The following TTC21A variants were observed in gnomAD, a reference collection of about 807,000 sequenced individuals.
The protein encoded by TTC21A is tetratricopeptide repeat protein 21A.
Under a neutral mutation model 156.4 loss-of-function variants are expected in TTC21A, and 128 were observed. The ratio of observed to expected loss-of-function variants is 0.82; its 90% CI spans 0.71 to 0.95. The LOEUF (loss-of-function observed/expected upper bound fraction) is 0.95, where lower values mean the gene tolerates loss of function less well. TTC21A is among the 40% of genes least tolerant of loss of function. TTC21A has a pLI of 0.00. For missense variants in TTC21A, 1,435 were observed against 1,602.3 expected, an observed-to-expected ratio of 0.90 and a Z score of 1.78; for synonymous variants, 587 against 617.1, an observed-to-expected ratio of 0.95 and a Z score of 0.72.
At chr3:39,112,722 C>A in intron 5 of TTC21A, 142 bp downstream of exon 5, 1 of 1,314,792 alleles carries the variant, frequency 7.6e-7, no homozygotes, top group Non-Finnish European at 1.0e-6. Context: ...CAGAGAGGTT[C>A]AGCAACCAAT....
rs750953299 is a variant in TTC21A at position 39,137,495 on chromosome 3, G to A, written c.3460G>A (p.Val1154Ile). The change falls in exon 26 of 29, where the codon GTC (valine) becomes ATC (isoleucine). Residue 1154 changes from valine (V) to isoleucine (I), a missense_variant. Transcript: ENST00000683103. ...IQIAQAEKDSVPALLALAQAY... is the reference protein window; with the variant it reads ...IQIAQAEKDSIPALLALAQAY... ...CCTACCTGGTGTGTAGAAGGACAGC[G>A]TCCCTGCCCTGCTGGCCTTGGCACA... 63 of 1,614,080 alleles carry A rather than the reference G, an allele frequency of 3.9e-5. No individual in the cohort carries two copies. The Admixed American group carries it at 9.0e-4, about 23-fold the overall frequency.
Position 39,128,646 on chromosome 3 carries a change from A to C in TTC21A, c.1681-71A>C, listed in dbSNP as rs535178553. 20 of 1,575,506 alleles carry C rather than the reference A, an allele frequency of 1.3e-5. No individual in the cohort carries two copies. In the South Asian group the frequency reaches 2.3e-4, roughly 18 times the overall value. ...CAGTGGGCTCCTGAGGCTTTCTCTGACCTGGCTGCTGTGAGCAGCAGCAGT... is the reference window on the plus strand; with the variant it reads ...CAGTGGGCTCCTGAGGCTTTCTCTGCCCTGGCTGCTGTGAGCAGCAGCAGT... On this transcript the variant is annotated intron_variant, in intron 13 of 28. Coordinates refer to ENST00000683103, the MANE Select transcript of TTC21A (RefSeq NM_001366900.1).
chr3:39,107,826 G>A lies in TTC21A; in HGVS notation c.-12G>A. Reference sequence around the variant, plus strand: ...CCACCAGACCCGGACTCGGAGCCGCGAGCGGCCCGAGATGAGCAGCAATGA... The same window carrying A: ...CCACCAGACCCGGACTCGGAGCCGCAAGCGGCCCGAGATGAGCAGCAATGA... On this transcript the variant is annotated 5_prime_UTR_variant, in exon 1 of 29. Coordinates refer to ENST00000683103, the MANE Select transcript of TTC21A (RefSeq NM_001366900.1). 3 of 1,612,564 alleles carry A rather than the reference G, an allele frequency of 1.9e-6. No homozygotes were observed. The highest frequency in any genetic ancestry group is 2.5e-6 in the Non-Finnish European group (3 of 1,179,930).
At chr3:39,129,711 G>A (rs1434948806) in intron 15 of TTC21A, among the ~76,000 whole-genome samples, 1 of 152,204 alleles carries the variant, frequency 6.6e-6, no homozygotes, top group African/African-American at 2.4e-5. Context: ...GTGGGAGGTG[G>A]GGATGCTGAG....
intron 6 of TTC21A, 26 bp from the exon 7 acceptor site, chr3:39,118,043 T>A (rs370922504): frequency 6.4e-7 from 1 of 1,561,802 alleles, no homozygotes; most frequent in African/African-American, 1.4e-5. Flanking sequence ...TACTCTCAAT[T>A]CATGTGCCTC....
In TTC21A at chr3:39,130,637, A is replaced by G. The variant is rs890634307; in HGVS notation, c.2320-64A>G. ...ACTGGTGTGATGGCTGCTGAGGGGA[A>G]CATGGTGTCGGGCACTGAAGGGCAG... is the stretch of plus-strand genomic sequence containing the variant. On this transcript the variant is annotated intron_variant, in intron 17 of 28. Transcript: ENST00000683103. This position sits in a 1 kb window ranked among gnomAD's most constrained non-coding sequence, Gnocchi z 4.5. 14 of 1,592,206 alleles carry G rather than the reference A, an allele frequency of 8.8e-6. No individual in the cohort carries two copies. The highest frequency in any genetic ancestry group is 5.4e-5 in the African/African-American group (4 of 74,388).
rs760353812 is a variant in TTC21A, at chr3:39,130,143, A to T, written c.2200A>T (p.Ile734Phe). The T allele has an allele frequency of 6.2e-7, 1 of 1,614,002 alleles. No homozygotes were observed. Among genetic ancestry groups the T allele is most frequent in the Non-Finnish European group, 8.5e-7 (1 of 1,179,978 alleles). The change falls in exon 16 of 29, where the codon ATT (isoleucine) becomes TTT (phenylalanine). Residue 734 changes from isoleucine (I) to phenylalanine (F), a missense_variant. Ile to Phe is a conservative substitution (Grantham distance 21). Coordinates refer to ENST00000683103, the MANE Select transcript of TTC21A (RefSeq NM_001366900.1). This position sits in a 1 kb window ranked among gnomAD's most constrained non-coding sequence, Gnocchi z 4.5. ...SLLLGDALMS[I>F]LEPEKALEVY... is the part of the protein sequence containing the mutation. ...GCTACTGGGCGATGCCTTAATGAGC[A>T]TTCTGGAGGTAAGTGAGAGGCCTCA...
intron 12 of TTC21A, 53 bp from the exon 13 acceptor site, chr3:39,128,278 G>A (rs1401986587): frequency 3.1e-6 from 5 of 1,588,278 alleles, no homozygotes; most frequent in Non-Finnish European, 4.3e-6. Flanking sequence ...TGCATATCAG[G>A]TCTTAGGAGC....
At position 39,112,553 on chromosome 3, in the gene TTC21A, CA is replaced by C. The variant is rs1434754711; in HGVS notation, c.534del (p.Asp179MetfsTer5). The C allele has an allele frequency of 1.2e-6, 2 of 1,614,064 alleles. No individual in the cohort carries two copies. Among genetic ancestry groups the C allele is most frequent in the Non-Finnish European group, 1.7e-6 (2 of 1,179,996 alleles). On this transcript the variant is annotated frameshift_variant, in exon 5 of 29. Transcript: ENST00000683103. LOFTEE classifies it high-confidence loss of function. The stretch of plus-strand genomic sequence containing the variant: ...ACCTGGAACAAGGAATTCAGGACAC[CA>C]AAGATGTGCTGGGGCTGATGGGAAA... ...EYLEQGIQDT[K>X]DVLGLMGKAM... is the part of the protein sequence containing the mutation.
At chr3:39,122,238 G>A (rs951905724) in intron 9 of TTC21A, among the ~76,000 whole-genome samples, 1 of 151,946 alleles carries the variant, frequency 6.6e-6, no homozygotes. Flanking sequence ...TTGAACCCGG[G>A]AGATGGAGGT....
In TTC21A at chr3:39,126,434, C is replaced by T. The variant is rs1185503904; in HGVS notation, c.1522+44C>T. On this transcript the variant is annotated intron_variant, in intron 12 of 28. Coordinates refer to ENST00000683103, the MANE Select transcript of TTC21A (RefSeq NM_001366900.1). ...CAGCCGGGTGGGGCCTTGCAAACAC[C>T]TGATGTAGCTTTGTGTCTGCAGGCT... is the stretch of plus-strand genomic sequence containing the variant. 1.9e-6 allele frequency: 3 copies of T among 1,602,738 alleles called. No individual in the cohort carries two copies. In the South Asian group the frequency reaches 3.3e-5, roughly 18 times the overall value.
chr3:39,135,048 G>T, intron 21 of TTC21A, 45 bp from the exon 22 acceptor site: 2 of 1,399,424 alleles, frequency 1.4e-6, no homozygotes, highest in Non-Finnish European at 1.0e-6. Context: ...ACCCATGCAA[G>T]CTGCCACTGT....
intron 1 of TTC21A, 29 bp from the exon 2 acceptor site, chr3:39,109,056 C>T (rs1248462188): frequency 5.6e-6 from 9 of 1,609,462 alleles, no homozygotes; most frequent in African/African-American, 1.3e-5. Flanking sequence ...AGGGACTGGG[C>T]TATTGCAGTT....
chr3:39,136,263 G>T lies in TTC21A; in HGVS notation c.2945-94G>T, dbSNP rs2039107413. On this transcript the variant is annotated intron_variant, in intron 22 of 28. Coordinates refer to ENST00000683103, the MANE Select transcript of TTC21A (RefSeq NM_001366900.1). ...GAATGTCCCTGCTCAGCCCAGATGG[G>T]CAGTATCTCTTGGCTTCTCCTAGGG... 25 of 1,362,064 alleles carry T rather than the reference G, an allele frequency of 1.8e-5. No homozygotes were observed. In the South Asian group the frequency reaches 2.9e-4, roughly 16 times the overall value. The allele number at this position is 1,362,064 out of a possible 1,614,324, so 84.4% of individuals were successfully genotyped here. A position where few individuals can be genotyped will look rare whatever the true frequency, so the allele number is the denominator to read the frequency against.
intron 11 of TTC21A, 102 bp downstream of exon 11, chr3:39,125,634 T>A: frequency 1.1e-6 from 1 of 881,864 alleles, no homozygotes; most frequent in Middle Eastern, 2.8e-4. Flanking sequence ...CAGTCACAAG[T>A]AAGGATGGGG....
Position 39,107,751 on chromosome 3 carries a change from C to T in TTC21A, c.-87C>T, listed in dbSNP as rs958387835. 5.7e-6 allele frequency: 9 copies of T among 1,582,390 alleles called. No individual in the cohort carries two copies. The highest frequency in any genetic ancestry group is 2.2e-5 in the South Asian group (2 of 90,474). On this transcript the variant is annotated 5_prime_UTR_variant, in exon 1 of 29. Coordinates refer to ENST00000683103, the MANE Select transcript of TTC21A (RefSeq NM_001366900.1). Reference sequence around the variant, plus strand: ...GACTGTAACGCCTTCAACCGCCCGCCGCGATAGAGTGCCCACGACCCTGCC... The same window carrying T: ...GACTGTAACGCCTTCAACCGCCCGCTGCGATAGAGTGCCCACGACCCTGCC...
intron 27 of TTC21A, 76 bp from the exon 28 acceptor site, chr3:39,138,480 C>A: frequency 6.2e-7 from 1 of 1,613,642 alleles, no homozygotes; most frequent in Non-Finnish European, 8.5e-7. Context: ...AGGCCTGTAC[C>A]CTGGCTGTTA....
At chr3:39,115,720 T>TAA (rs1219746053) in intron 6 of TTC21A, among the ~76,000 whole-genome samples, 3 of 152,148 alleles carry the variant, frequency 2.0e-5, no homozygotes, top group Non-Finnish European at 4.4e-5. Flanking sequence ...ACTTTATTTT[T>TAA]ATCGCAATCA....
In TTC21A at chr3:39,126,159, A is replaced by G; in HGVS notation, c.1393-102A>G. 2.8e-6 allele frequency: 4 copies of G among 1,438,032 alleles called. No homozygotes were observed. The South Asian group carries it at 5.1e-5, about 18-fold the overall frequency. The allele number at this position is 1,438,032 out of a possible 1,614,324, so 89.1% of individuals were successfully genotyped here. ...ACAGAGGATAATAAATAAGTGTGGAATGAAGCAAAATTCCTTCACTGAGAG... is the reference window on the plus strand; with the variant it reads ...ACAGAGGATAATAAATAAGTGTGGAGTGAAGCAAAATTCCTTCACTGAGAG... On this transcript the variant is annotated intron_variant, in intron 11 of 28. Coordinates refer to ENST00000683103, the MANE Select transcript of TTC21A (RefSeq NM_001366900.1).
Sources: allele counts gnomAD v4.1 joint callset (sites outside exome capture counted in the v4.1 genomes callset), GRCh38; gene constraint gnomAD v4.1.1; non-coding constraint Gnocchi (gnomAD v3.1); transcripts MANE v1.5; gene names NCBI Gene and HGNC (gene_info 2026-07-23, HGNC 2026-07-21).